Variants in PLXNC1 observed in about 807,000 individuals in gnomAD.
PLXNC1 encodes the protein plexin-C1.
In PLXNC1, 75 loss-of-function variants were observed where a neutral mutation model predicts 178.2. The observed-to-expected ratio is 0.42, with a 90% CI of 0.35 to 0.51. The LOEUF is 0.51. PLXNC1 is among the 20% of genes least tolerant of loss of function. PLXNC1 has a pLI of 0.02. For missense variants in PLXNC1, 1,503 were observed against 1,984.4 expected (o/e 0.76, Z 4.61); for synonymous variants, 790 against 779.9 (o/e 1.01, Z -0.22).
intron 3 of PLXNC1, among the ~76,000 whole-genome samples, chr12:94,185,222 C>G (rs1230331626): frequency 6.6e-6 from 1 of 152,182 alleles, no homozygotes; most frequent in Non-Finnish European, 1.5e-5. Context: ...GTGTTGGGGA[C>G]TATGAAATGG....
intron 21 of PLXNC1, among the ~76,000 whole-genome samples, chr12:94,271,994 C>T (rs1007550593): frequency 2.0e-5 from 3 of 152,074 alleles, no homozygotes; most frequent in Non-Finnish European, 4.4e-5. Flanking sequence ...GACAGTATCC[C>T]ATTGGGCAGA....
At chr12:94,196,848 C>T (rs1962935479) in intron 4 of PLXNC1, among the ~76,000 whole-genome samples, 1 of 152,222 alleles carries the variant, frequency 6.6e-6, no homozygotes, top group Non-Finnish European at 1.5e-5. Context: ...TTACAATCCC[C>T]ACTTCTTAGA....
At position 94,187,192 on chromosome 12, in the gene PLXNC1, G is replaced by A. The variant is rs56109650; in HGVS notation, c.1439+719G>A. On this transcript the variant is annotated intron_variant, in intron 4 of 30. Coordinates refer to ENST00000258526, the MANE Select transcript of PLXNC1 (RefSeq NM_005761.3). ...GGCAGGAAAGAGAGAGAGAGAGAGAGAAAAAAAAACCCATAACAGTGTCTG... is the reference window on the plus strand; with the variant it reads ...GGCAGGAAAGAGAGAGAGAGAGAGAAAAAAAAAAACCCATAACAGTGTCTG... Among the ~76,000 whole-genome samples, 899 of 148,424 alleles carry A rather than the reference G, an allele frequency of 6.1e-3. 6 individuals are homozygous for A. The highest frequency in any genetic ancestry group is 0.012 in the African/African-American group (467 of 40,550).
chr12:94,149,253 G>A lies in PLXNC1; in HGVS notation c.282G>A (p.Ala94=), dbSNP rs777859615. 1.9e-6 allele frequency: 3 copies of A among 1,545,672 alleles called. No individual in the cohort carries two copies. The highest frequency in any genetic ancestry group is 1.2e-5 in the South Asian group (1 of 83,916). ...ACTGCACAGAGCCGGTCTCGCTGGC[G>A]CCCCCCGCGCGGCCCCGGCCCGGGA... ...AGNCTEPVSL[A]PPARPRPGSS... is the part of the protein sequence containing the mutation. Residue 94 remains alanine, a synonymous_variant, in exon 1 of 31, where the codon GCG becomes GCA. Transcript: ENST00000258526.
rs1036774028 is a variant in PLXNC1 at position 94,306,502 on chromosome 12, G to T, written c.*1217G>T. 6.6e-6 allele frequency: 1 copy of T among 152,084 alleles called. No individual in the cohort carries two copies. Among genetic ancestry groups the T allele is most frequent in the Non-Finnish European group, 1.5e-5 (1 of 68,022 alleles). 9.4% of individuals were successfully genotyped at this position (152,084 alleles called of 1,614,324 possible). ...TAATTCCTGAATTTTTGCTGCTCATGACCAGTTTTAATACCACTGTGTTTT... is the reference window on the plus strand; with the variant it reads ...TAATTCCTGAATTTTTGCTGCTCATTACCAGTTTTAATACCACTGTGTTTT... On this transcript the variant is annotated 3_prime_UTR_variant, in exon 31 of 31. Coordinates refer to ENST00000258526, the MANE Select transcript of PLXNC1 (RefSeq NM_005761.3).
intron 1 of PLXNC1, chr12:94,158,281 C>T (rs2135925328): frequency 6.6e-6 from 1 of 152,312 alleles, no homozygotes; most frequent in Admixed American, 6.5e-5. Flanking sequence ...GAAGGCACAG[C>T]TTGTGCACAA....
chr12:94,229,950 C>T (rs565850325), intron 9 of PLXNC1, among the ~76,000 whole-genome samples: 1 of 152,100 alleles, frequency 6.6e-6, no homozygotes, highest in African/African-American at 2.4e-5. Context: ...TATCTTTTAC[C>T]CAGTTTCCTT....
intron 2 of PLXNC1, among the ~76,000 whole-genome samples, chr12:94,177,206 TA>T (rs1962118396): frequency 1.8e-5 from 1 of 56,728 alleles, no homozygotes. Flanking sequence ...TATACGTATA[TA>T]TATATGTGTG....
chr12:94,253,990 AAGG>A (rs1964772300), intron 15 of PLXNC1, among the ~76,000 whole-genome samples: 1 of 152,204 alleles, frequency 6.6e-6, no homozygotes, highest in South Asian at 2.1e-4. Context: ...TAATTTCTAT[AAGG>A]AGGAGAAGCT....
rs992255197 is a variant in PLXNC1 at position 94,307,437 on chromosome 12, C to T, written c.*2152C>T. 8 of 152,264 alleles carry T rather than the reference C, an allele frequency of 5.3e-5. No individual in the cohort carries two copies. Among genetic ancestry groups the T allele is most frequent in the African/African-American group, 1.9e-4 (8 of 41,562 alleles). 9.4% of individuals were successfully genotyped at this position (152,264 alleles called of 1,614,324 possible). On this transcript the variant is annotated 3_prime_UTR_variant, in exon 31 of 31. Transcript: ENST00000258526. Reference sequence around the variant, plus strand: ...GGTCTATATTAAACAGCAACCAGAGCAACAAATGGCAAACAATTTCTATTT... The same window carrying T: ...GGTCTATATTAAACAGCAACCAGAGTAACAAATGGCAAACAATTTCTATTT...
chr12:94,148,818 G>C lies in PLXNC1; in HGVS notation c.-154G>C, dbSNP rs1224014082. The C allele has an allele frequency of 2.0e-5, 3 of 153,390 alleles. No individual in the cohort carries two copies. The highest frequency in any genetic ancestry group is 3.9e-4 in the East Asian group (2 of 5,100). The allele number at this position is 153,390 out of a possible 1,614,324, so 9.5% of individuals were successfully genotyped here. ...GAGCCTGCCGCGCGCCGCCCTCCCCGCTCTCCTTCCTGGGCGAGCTGCGGG... is the reference window on the plus strand; with the variant it reads ...GAGCCTGCCGCGCGCCGCCCTCCCCCCTCTCCTTCCTGGGCGAGCTGCGGG... On this transcript the variant is annotated 5_prime_UTR_variant, in exon 1 of 31. Coordinates refer to ENST00000258526, the MANE Select transcript of PLXNC1 (RefSeq NM_005761.3). This position sits in a 1 kb window ranked among gnomAD's most constrained non-coding sequence, Gnocchi z 4.8.
chr12:94,184,926 GC>G (rs1453959717), intron 3 of PLXNC1, among the ~76,000 whole-genome samples: 1 of 152,144 alleles, frequency 6.6e-6, no homozygotes, highest in Non-Finnish European at 1.5e-5. Flanking sequence ...AACCCGTTTT[GC>G]TTTTTCAGTC....
At chr12:94,219,966 T>A in intron 5 of PLXNC1, 50 bp from the exon 6 acceptor site, 1 of 1,587,770 alleles carries the variant, frequency 6.3e-7, no homozygotes, top group Non-Finnish European at 8.6e-7. Flanking sequence ...CTATGATGGA[T>A]GGAAATGAGG....
intron 5 of PLXNC1, among the ~76,000 whole-genome samples, chr12:94,218,716 C>T (rs1033191135): frequency 2.6e-5 from 4 of 152,056 alleles, no homozygotes; most frequent in Admixed American, 1.3e-4. Flanking sequence ...CACACACACA[C>T]GTACAGGCAC....
chr12:94,276,400 G>A (rs1390910072), intron 21 of PLXNC1, among the ~76,000 whole-genome samples: 1 of 145,334 alleles, frequency 6.9e-6, no homozygotes, highest in Non-Finnish European at 1.5e-5. Flanking sequence ...TTTAGCTTAG[G>A]ACATTGCTTA....
At chr12:94,173,260 A>G (rs1961914091) in intron 2 of PLXNC1, among the ~76,000 whole-genome samples, 1 of 152,204 alleles carries the variant, frequency 6.6e-6, no homozygotes, top group African/African-American at 2.4e-5. Context: ...ACAGCCTATC[A>G]TGTGGTTTGG....
At chr12:94,176,207 C>T (rs772163337) in intron 2 of PLXNC1, among the ~76,000 whole-genome samples, 1 of 152,114 alleles carries the variant, frequency 6.6e-6, no homozygotes, top group Non-Finnish European at 1.5e-5. Flanking sequence ...GTTCTTTTTC[C>T]GAGGCTGCCC....
chr12:94,207,332 A>G (rs1382571290), intron 4 of PLXNC1, among the ~76,000 whole-genome samples: 1 of 151,946 alleles, frequency 6.6e-6, no homozygotes, highest in Non-Finnish European at 1.5e-5. Context: ...TTCATTTTAT[A>G]CTTTCTTTTC....
intron 20 of PLXNC1, chr12:94,262,568 C>T (rs1395749434): frequency 2.0e-6 from 2 of 985,304 alleles, no homozygotes; most frequent in Admixed American, 6.1e-5. Flanking sequence ...GGTGAGGGGG[C>T]GGCTCGGCTC....
Sources: gnomAD v4.1 joint callset for allele counts (sites outside exome capture counted in the v4.1 genomes callset) on GRCh38, gnomAD v4.1.1 for gene constraint, Gnocchi (gnomAD v3.1) non-coding constraint, MANE v1.5 for transcripts, NCBI Gene and HGNC (gene_info 2026-07-23, HGNC 2026-07-21) for gene names.